The following MLLT3 variants were observed in gnomAD, a reference collection of about 807,000 sequenced individuals.
MLLT3 encodes MLLT3 super elongation complex subunit, also known as protein AF-9.
A neutral mutation model predicts 53.2 loss-of-function variants in MLLT3; 4 were observed. That is an observed-to-expected ratio of 0.08 (90% CI 0.04 to 0.17). MLLT3 has a LOEUF of 0.17. MLLT3 is among the 10% of genes least tolerant of loss of function. The pLI is 1.00. For missense variants in MLLT3, 569 were observed against 684.0 expected (o/e 0.83, Z 1.87); for synonymous variants, 283 against 230.6 (o/e 1.23, Z -2.06).
chr9:20,469,476 A>G (rs898982630), intron 2 of MLLT3, among the ~76,000 whole-genome samples: 1 of 152,070 alleles, frequency 6.6e-6, no homozygotes, highest in Admixed American at 6.5e-5. Flanking sequence ...GCCACTATGC[A>G]GTCAATCTTA....
intron 2 of MLLT3, among the ~76,000 whole-genome samples, chr9:20,567,766 G>C (rs1819417842): frequency 6.6e-6 from 1 of 152,046 alleles, no homozygotes; most frequent in South Asian, 2.1e-4. Context: ...TAACCAAACA[G>C]GTTTTTGGCT....
At chr9:20,611,192 T>TA (rs1403412781) in intron 2 of MLLT3, among the ~76,000 whole-genome samples, 2 of 152,082 alleles carry the variant, frequency 1.3e-5, no homozygotes, top group African/African-American at 4.8e-5. Context: ...AATGAATAGA[T>TA]ACCTGGAATA....
At position 20,344,612 on chromosome 9, in the gene MLLT3, T is replaced by C; in HGVS notation, c.*1831A>G. The C allele has an allele frequency of 4.8e-6, 1 of 210,516 alleles. No individual in the cohort carries two copies. Among genetic ancestry groups the C allele is most frequent in the Non-Finnish European group, 9.7e-6 (1 of 103,472 alleles). 13.0% of individuals were successfully genotyped at this position (210,516 alleles called of 1,614,324 possible). A position where few individuals can be genotyped will look rare whatever the true frequency, so the allele number is the denominator to read the frequency against. ...CATAACATTATTGAGAAAGTACACT[T>C]GTCCTCTGGGAGGACGCTTCAGAGA... On this transcript the variant is annotated 3_prime_UTR_variant, in exon 11 of 11. Transcript: ENST00000380338.
chr9:20,352,896 G>A (rs994759448), intron 10 of MLLT3, among the ~76,000 whole-genome samples: 3 of 151,934 alleles, frequency 2.0e-5, no homozygotes, highest in Admixed American at 6.6e-5. Context: ...ATAGCTGCTG[G>A]TAGTGCAACA....
At position 20,448,090 on chromosome 9, in the gene MLLT3, T is replaced by C. The variant is rs144694974; in HGVS notation, c.420+33A>G. 3 of 1,577,166 alleles carry C rather than the reference T, an allele frequency of 1.9e-6. No individual in the cohort carries two copies. Among genetic ancestry groups the C allele is most frequent in the South Asian group, 1.2e-5 (1 of 84,220 alleles). On this transcript the variant is annotated intron_variant, in intron 4 of 10. Transcript: ENST00000380338. This position sits in a 1 kb window ranked among gnomAD's most constrained non-coding sequence, Gnocchi z 4.0. ...TTTTTTTGTTGTTGTTGTTTTTTAA[T>C]AGGAATGCTTTTCACAAGAGAGTGC...
Position 20,363,508 on chromosome 9 carries a change from C to T in MLLT3, c.1299G>A (p.Arg433=). The T allele has an allele frequency of 6.2e-7, 1 of 1,614,090 alleles. No homozygotes were observed. The highest frequency in any genetic ancestry group is 2.2e-5 in the East Asian group (1 of 44,888). ...TTCGGCTGCCTCCTCTATTTACAGG[C>T]CTCTCCATTTCAGAGTCATTGTCGT... ...EDNDNDSEME[R]PVNRGGSRSR... The change falls in exon 7 of 11, where the codon AGG becomes AGA. Residue 433 remains arginine (R), a synonymous_variant. Transcript: ENST00000380338.
chr9:20,445,962 T>C (rs905721910), intron 4 of MLLT3, among the ~76,000 whole-genome samples: 2 of 152,164 alleles, frequency 1.3e-5, no homozygotes, highest in African/African-American at 4.8e-5. Context: ...GCATTAATAC[T>C]AAGATAAGAC....
At position 20,620,899 on chromosome 9, in the gene MLLT3, T is replaced by C; in HGVS notation, c.13-65A>G. The stretch of plus-strand genomic sequence containing the variant: ...AAGGCGAGGTTTCGGCAGTGAACGT[T>C]GCGCCTGACATTTTTTTCCTCCTTC... On this transcript the variant is annotated intron_variant, in intron 1 of 10. Coordinates refer to ENST00000380338, the MANE Select transcript of MLLT3 (RefSeq NM_004529.4). This position sits in a 1 kb window ranked among gnomAD's most constrained non-coding sequence, Gnocchi z 6.1. 1 of 1,554,498 alleles carries C rather than the reference T, an allele frequency of 6.4e-7. No homozygotes were observed.
intron 2 of MLLT3, among the ~76,000 whole-genome samples, chr9:20,491,528 C>G (rs1268005900): frequency 6.6e-6 from 1 of 152,048 alleles, no homozygotes; most frequent in African/African-American, 2.4e-5. Flanking sequence ...GCCAGTCAAT[C>G]ACATGCAATG....
At chr9:20,590,362 T>C (rs1252445937) in intron 2 of MLLT3, among the ~76,000 whole-genome samples, 1 of 152,190 alleles carries the variant, frequency 6.6e-6, no homozygotes, top group Non-Finnish European at 1.5e-5. Context: ...CTATGTCATC[T>C]TGAATTGTAA....
intron 2 of MLLT3, among the ~76,000 whole-genome samples, chr9:20,566,070 GTA>G (rs59918419): frequency 7.3e-4 from 96 of 131,300 alleles, no homozygotes; most frequent in Non-Finnish European, 1.2e-3. Flanking sequence ...ATATATTTGT[GTA>G]TATATATATA....
intron 10 of MLLT3, among the ~76,000 whole-genome samples, chr9:20,349,075 T>A (rs1433930429): frequency 6.6e-6 from 1 of 152,230 alleles, no homozygotes; most frequent in African/African-American, 2.4e-5. Flanking sequence ...AATAACAAGC[T>A]GACCAGAATT....
At chr9:20,516,058 G>C (rs1563796646) in intron 2 of MLLT3, among the ~76,000 whole-genome samples, 1 of 152,140 alleles carries the variant, frequency 6.6e-6, no homozygotes, top group South Asian at 2.1e-4. Context: ...AGTTAAGTAA[G>C]AGATATCTAG....
intron 2 of MLLT3, among the ~76,000 whole-genome samples, chr9:20,470,881 C>G (rs2118887979): frequency 6.6e-6 from 1 of 152,100 alleles, no homozygotes; most frequent in Middle Eastern, 3.4e-3. Context: ...TCAAACATTG[C>G]AAATAAGTCA....
intron 2 of MLLT3, among the ~76,000 whole-genome samples, chr9:20,528,596 C>T (rs1294218958): frequency 4.6e-5 from 7 of 152,206 alleles, no homozygotes; most frequent in African/African-American, 1.4e-4. Context: ...CTGGTGGCCA[C>T]GGACAGACAT....
chr9:20,518,459 G>C (rs978164410), intron 2 of MLLT3, among the ~76,000 whole-genome samples: 4 of 152,212 alleles, frequency 2.6e-5, no homozygotes, highest in African/African-American at 9.6e-5. Context: ...GAACATTACA[G>C]TGGTAACTGC....
chr9:20,369,106 T>A (rs1417451347), intron 5 of MLLT3, among the ~76,000 whole-genome samples: 8 of 152,076 alleles, frequency 5.3e-5, no homozygotes, highest in African/African-American at 1.4e-4. Context: ...TTATAAAGCA[T>A]CACAGGTAAT....
At chr9:20,570,962 C>G (rs1191398901) in intron 2 of MLLT3, among the ~76,000 whole-genome samples, 1 of 152,168 alleles carries the variant, frequency 6.6e-6, no homozygotes, top group Non-Finnish European at 1.5e-5. Context: ...ACTAACTACA[C>G]AATTGCTAAA....
chr9:20,456,646 C>T (rs1823978181), intron 3 of MLLT3, 58 bp downstream of exon 3: 1 of 1,176,598 alleles, frequency 8.5e-7, no homozygotes. Flanking sequence ...TTATTTTAAA[C>T]ATCATTTGGC....
Sources: allele counts gnomAD v4.1 joint callset (sites outside exome capture counted in the v4.1 genomes callset), GRCh38; gene constraint gnomAD v4.1.1; non-coding constraint Gnocchi (gnomAD v3.1); transcripts MANE v1.5; gene names NCBI Gene and HGNC (gene_info 2026-07-23, HGNC 2026-07-21).